ADCY5: variants seen among roughly 807,000 people sequenced by gnomAD.
ADCY5 encodes adenylate cyclase 5.
ADCY5 carries 30 observed loss-of-function variants against 119.7 expected under a neutral mutation model. That is an observed-to-expected ratio of 0.25 (90% CI 0.19 to 0.34). ADCY5 has a LOEUF of 0.34. Ranked by LOEUF, ADCY5 falls within the 10% of genes least tolerant of loss-of-function variation. ADCY5 has a pLI of 1.00. For missense variants in ADCY5, 1,324 were observed against 1,775.2 expected (o/e 0.75, Z 4.57); for synonymous variants, 753 against 762.2 (o/e 0.99, Z 0.20).
intron 7 of ADCY5, among the ~76,000 whole-genome samples, chr3:123,326,159 C>T (rs984486068): frequency 2.0e-5 from 3 of 152,232 alleles, no homozygotes; most frequent in South Asian, 2.1e-4. Context: ...CACTAGGACA[C>T]GGCCCGGGGC....
At chr3:123,371,360 A>T (rs1943634267) in intron 1 of ADCY5, among the ~76,000 whole-genome samples, 1 of 152,256 alleles carries the variant, frequency 6.6e-6, no homozygotes, top group South Asian at 2.1e-4. Context: ...GATAATATAA[A>T]ATGTCAGGAA....
At chr3:123,339,325 C>G (rs1254307223) in intron 3 of ADCY5, among the ~76,000 whole-genome samples, 1 of 152,152 alleles carries the variant, frequency 6.6e-6, no homozygotes, top group East Asian at 1.9e-4. Context: ...CACTCATGTC[C>G]TTTAGGGGAG....
chr3:123,367,119 C>G (rs1943469174), intron 1 of ADCY5, among the ~76,000 whole-genome samples: 1 of 152,234 alleles, frequency 6.6e-6, no homozygotes, highest in Non-Finnish European at 1.5e-5. Flanking sequence ...CCCCATCCAA[C>G]CGTGCTAGAT....
intron 3 of ADCY5, among the ~76,000 whole-genome samples, chr3:123,336,028 G>A (rs1461669726): frequency 1.3e-5 from 2 of 152,376 alleles, no homozygotes; most frequent in East Asian, 3.9e-4. Context: ...CAGGACAGCA[G>A]AGAGCTGCTC....
intron 1 of ADCY5, among the ~76,000 whole-genome samples, chr3:123,440,856 G>C (rs1370854854): frequency 6.6e-6 from 1 of 152,160 alleles, no homozygotes; most frequent in Non-Finnish European, 1.5e-5. Context: ...AGAGAGTCCA[G>C]GGCTGATCAT....
chr3:123,318,534 G>A (rs901845065), intron 10 of ADCY5, among the ~76,000 whole-genome samples: 2 of 152,150 alleles, frequency 1.3e-5, no homozygotes, highest in Admixed American at 6.5e-5. Flanking sequence ...GGGCCTCAGA[G>A]AGCTCACATG....
intron 1 of ADCY5, among the ~76,000 whole-genome samples, chr3:123,442,114 T>C (rs1945734090): frequency 6.6e-6 from 1 of 152,088 alleles, no homozygotes; most frequent in African/African-American, 2.4e-5. Flanking sequence ...TGCTAGGGCC[T>C]CACTTATGTA....
At chr3:123,307,254 C>T (rs762570587) in intron 12 of ADCY5, among the ~76,000 whole-genome samples, 2 of 152,064 alleles carry the variant, frequency 1.3e-5, no homozygotes, top group African/African-American at 2.4e-5. Context: ...CATATTATGT[C>T]GCAATGAAGC....
chr3:123,444,288 G>A (rs749076676), intron 1 of ADCY5, among the ~76,000 whole-genome samples: 3 of 152,208 alleles, frequency 2.0e-5, no homozygotes, highest in Non-Finnish European at 2.9e-5. Context: ...GGAGTCGACA[G>A]TGAGACAAGA....
At chr3:123,417,333 C>T (rs1044954404) in intron 1 of ADCY5, among the ~76,000 whole-genome samples, 6 of 152,240 alleles carry the variant, frequency 3.9e-5, no homozygotes, top group Non-Finnish European at 2.9e-5. Context: ...CTTCTCTCCT[C>T]ATTCCTCTTC....
intron 1 of ADCY5, among the ~76,000 whole-genome samples, chr3:123,390,065 G>A (rs1464550491): frequency 1.3e-5 from 2 of 152,162 alleles, no homozygotes; most frequent in Non-Finnish European, 2.9e-5. Flanking sequence ...ATGGGGGTGA[G>A]GATGACTGCC....
intron 1 of ADCY5, among the ~76,000 whole-genome samples, chr3:123,407,166 C>T (rs1244655896): frequency 6.6e-6 from 1 of 152,094 alleles, no homozygotes; most frequent in African/African-American, 2.4e-5. Context: ...AGGCCACATA[C>T]CCAGCCCCAG....
intron 1 of ADCY5, among the ~76,000 whole-genome samples, chr3:123,426,299 G>GTTTTTTTTTTTTTTTTTTTTTTTTTT: frequency 1.0e-5 from 1 of 97,946 alleles, no homozygotes; most frequent in Non-Finnish European, 2.3e-5. Context: ...TTTCTTTTGT[G>GTTTTTTTTTTTTTTTTTTTTTTTTTT]TTTTTTTTTT....
intron 13 of ADCY5, 45 bp from the exon 14 acceptor site, chr3:123,303,264 G>A: frequency 6.3e-7 from 1 of 1,588,778 alleles, no homozygotes; most frequent in Non-Finnish European, 8.6e-7. Flanking sequence ...AAGCTGCTGG[G>A]GGACAGGTAG....
chr3:123,293,986 G>C (rs935025400), intron 17 of ADCY5, among the ~76,000 whole-genome samples: 1 of 152,184 alleles, frequency 6.6e-6, no homozygotes, highest in African/African-American at 2.4e-5. Context: ...TGGAAAGTCA[G>C]GAAAAGCTCA....
chr3:123,318,522 C>T (rs1340788311), intron 10 of ADCY5, among the ~76,000 whole-genome samples: 2 of 152,200 alleles, frequency 1.3e-5, no homozygotes, highest in African/African-American at 4.8e-5. Flanking sequence ...GATGAGCAAG[C>T]TGGGCCTCAG....
chr3:123,406,380 C>T (rs992400738), intron 1 of ADCY5, among the ~76,000 whole-genome samples: 1 of 152,262 alleles, frequency 6.6e-6, no homozygotes, highest in African/African-American at 2.4e-5. Flanking sequence ...CATGTGCCCT[C>T]CTCTTGGGAG....
chr3:123,427,068 C>T (rs1945430777), intron 1 of ADCY5, among the ~76,000 whole-genome samples: 1 of 152,166 alleles, frequency 6.6e-6, no homozygotes, highest in South Asian at 2.1e-4. Context: ...TAGGGACAAG[C>T]TTTAGTGCCA....
At chr3:123,386,257 G>A (rs1234022710) in intron 1 of ADCY5, among the ~76,000 whole-genome samples, 3 of 150,362 alleles carry the variant, frequency 2.0e-5, no homozygotes, top group Non-Finnish European at 2.9e-5. Context: ...ACTGAGCCCT[G>A]GCTCCCCTCA....
Sources: gnomAD v4.1 joint callset for allele counts (sites outside exome capture counted in the v4.1 genomes callset) on GRCh38, gnomAD v4.1.1 for gene constraint, MANE v1.5 for transcripts, NCBI Gene and HGNC (gene_info 2026-07-23, HGNC 2026-07-21) for gene names.